The following MKLN1 variants were observed in gnomAD, a reference collection of about 807,000 sequenced individuals.
The protein encoded by MKLN1 is muskelin 1.
MKLN1 carries 18 observed loss-of-function variants against 99.0 expected under a neutral mutation model. That is an observed-to-expected ratio of 0.18 (90% CI 0.13 to 0.27). The LOEUF is 0.27. Among genes scored for constraint, MKLN1 ranks in the 10% least tolerant of loss-of-function variants. MKLN1 has a pLI of 1.00. For missense variants in MKLN1, 621 were observed against 875.9 expected, an observed-to-expected ratio of 0.71 and a Z score of 3.67; for synonymous variants, 288 against 293.2, an observed-to-expected ratio of 0.98 and a Z score of 0.18.
chr7:131,428,917 T>G, intron 8 of MKLN1, 116 bp from the exon 9 acceptor site: 1 of 669,460 alleles, frequency 1.5e-6, no homozygotes, highest in Non-Finnish European at 2.5e-6. Context: ...AAATTTTTAT[T>G]TTAAAATTTA....
At chr7:131,256,763 C>G (rs1797663774) in intron 3 of MKLN1, among the ~76,000 whole-genome samples, 1 of 152,018 alleles carries the variant, frequency 6.6e-6, no homozygotes, top group Non-Finnish European at 1.5e-5. Context: ...TACACATAGA[C>G]ACAAATATGG....
At chr7:131,190,856 G>C (rs2116382300) in intron 2 of MKLN1, among the ~76,000 whole-genome samples, 1 of 152,328 alleles carries the variant, frequency 6.6e-6, no homozygotes, top group Non-Finnish European at 1.5e-5. Flanking sequence ...TTCAGACCAG[G>C]ACATGGGGAG....
At chr7:131,259,359 A>G (rs1797701612) in intron 3 of MKLN1, among the ~76,000 whole-genome samples, 1 of 152,180 alleles carries the variant, frequency 6.6e-6, no homozygotes, top group Admixed American at 6.5e-5. Context: ...GAATAGTATA[A>G]TGGATACCCA....
intron 1 of MKLN1, among the ~76,000 whole-genome samples, chr7:131,351,771 A>G (rs1799727129): frequency 6.6e-6 from 1 of 152,096 alleles, no homozygotes. Flanking sequence ...TATACTTTGT[A>G]TTTTATCACT....
chr7:131,213,713 T>C (rs534112735), intron 3 of MKLN1, among the ~76,000 whole-genome samples: 26 of 152,368 alleles, frequency 1.7e-4, no homozygotes, highest in Middle Eastern at 6.8e-3. Flanking sequence ...CATTTTGCTT[T>C]CCAAAAGTTC....
intron 3 of MKLN1, among the ~76,000 whole-genome samples, chr7:131,284,325 C>A (rs12539158): frequency 0.055 from 8,405 of 152,232 alleles, 297 homozygotes; most frequent in Non-Finnish European, 0.076. Flanking sequence ...TATCTAAGCC[C>A]TATTTTCATA....
intron 5 of MKLN1, among the ~76,000 whole-genome samples, chr7:131,398,936 A>C (rs1584697664): frequency 1.3e-5 from 2 of 152,310 alleles, no homozygotes; most frequent in Admixed American, 1.3e-4. Context: ...TACAGTATTA[A>C]GTGGAGTTTA....
At chr7:131,288,133 C>G (rs1798160241) in intron 3 of MKLN1, among the ~76,000 whole-genome samples, 1 of 151,486 alleles carries the variant, frequency 6.6e-6, no homozygotes, top group Non-Finnish European at 1.5e-5. Flanking sequence ...AAGGATGTTA[C>G]CCCACAGATT....
intron 2 of MKLN1, among the ~76,000 whole-genome samples, chr7:131,159,359 C>T (rs900870544): frequency 3.9e-5 from 6 of 152,150 alleles, no homozygotes; most frequent in African/African-American, 1.4e-4. Flanking sequence ...CACACAGACA[C>T]ACACATACAA....
At chr7:131,403,736 G>A (rs768060139) in intron 6 of MKLN1, among the ~76,000 whole-genome samples, 2 of 152,140 alleles carry the variant, frequency 1.3e-5, no homozygotes, top group Non-Finnish European at 2.9e-5. Context: ...GCTGGTTTAT[G>A]GAGAAGTCAG....
chr7:131,445,677 A>G (rs990332397), intron 11 of MKLN1, 97 bp from the exon 12 acceptor site: 2 of 994,678 alleles, frequency 2.0e-6, no homozygotes, highest in African/African-American at 1.6e-5. Context: ...CTGTTATAAA[A>G]TTACTTTTGT....
At chr7:131,113,993 C>T (rs1231234871) in intron 1 of MKLN1, among the ~76,000 whole-genome samples, 1 of 152,200 alleles carries the variant, frequency 6.6e-6, no homozygotes, top group African/African-American at 2.4e-5. Context: ...GTCCCTCCCT[C>T]AGCACGTGGG....
intron 3 of MKLN1, among the ~76,000 whole-genome samples, chr7:131,213,614 A>G (rs188334579): frequency 1.3e-5 from 2 of 152,344 alleles, no homozygotes; most frequent in Non-Finnish European, 2.9e-5. Context: ...CTTGGTGGGG[A>G]AAATCACCCT....
Position 131,466,395 on chromosome 7 carries a change from G to A in MKLN1, c.1908G>A (p.Lys636=). ...PSKDYLLRHC[K]YLIRKHRFEE... ...AAGATTATTTACTGAGGCATTGCAA[G>A]TACCTCATAAGAAAACACAGGTATG... Residue 636 remains lysine, a synonymous_variant, in exon 15 of 18, where the codon AAG becomes AAA. Transcript: ENST00000352689. 6.3e-7 allele frequency: 1 copy of A among 1,590,664 alleles called. No individual in the cohort carries two copies. Among genetic ancestry groups the A allele is most frequent in the Non-Finnish European group, 8.6e-7 (1 of 1,165,034 alleles).
chr7:131,265,249 A>G (rs1043046460), intron 3 of MKLN1, among the ~76,000 whole-genome samples: 15 of 152,206 alleles, frequency 9.9e-5, no homozygotes, highest in African/African-American at 3.6e-4. Context: ...TTAGGCACAC[A>G]TGTCTCTCAC....
intron 3 of MKLN1, among the ~76,000 whole-genome samples, chr7:131,253,676 C>T (rs893333711): frequency 3.9e-5 from 6 of 152,192 alleles, no homozygotes; most frequent in Admixed American, 1.3e-4. Flanking sequence ...AGCAGAGTCT[C>T]AGAGATTCTG....
At chr7:131,158,172 G>A (rs1053584885) in intron 2 of MKLN1, among the ~76,000 whole-genome samples, 2 of 152,182 alleles carry the variant, frequency 1.3e-5, no homozygotes, top group African/African-American at 4.8e-5. Flanking sequence ...TAGGCCAGGC[G>A]CTCAAGCCTG....
chr7:131,154,783 A>G (rs1324604583), intron 2 of MKLN1, among the ~76,000 whole-genome samples: 1 of 152,126 alleles, frequency 6.6e-6, no homozygotes, highest in Non-Finnish European at 1.5e-5. Flanking sequence ...CTTATATATA[A>G]TAAGTGTGGC....
chr7:131,270,737 G>A (rs1293651764), intron 3 of MKLN1, among the ~76,000 whole-genome samples: 1 of 152,094 alleles, frequency 6.6e-6, no homozygotes, highest in African/African-American at 2.4e-5. Context: ...TAGATATAAG[G>A]TCCCTACCTT....
Sources: gnomAD v4.1 joint callset for allele counts (sites outside exome capture counted in the v4.1 genomes callset) on GRCh38, gnomAD v4.1.1 for gene constraint, MANE v1.5 for transcripts, NCBI Gene and HGNC (gene_info 2026-07-23, HGNC 2026-07-21) for gene names.